Variants in GRIA4 observed in about 807,000 individuals in gnomAD.
The protein encoded by GRIA4 is glutamate receptor 4.
GRIA4 carries 34 observed loss-of-function variants against 104.0 expected under a neutral mutation model. The observed-to-expected ratio is 0.33, with a 90% CI of 0.25 to 0.44. The LOEUF is 0.44. Ranked by LOEUF, GRIA4 falls within the 20% of genes least tolerant of loss-of-function variation. The probability of loss-of-function intolerance (pLI) is 1.00; values close to 1 mark genes in which losing one functional copy is unlikely to be tolerated. For synonymous variants in GRIA4, 386 were observed against 381.9 expected (o/e 1.01, Z -0.13); for missense variants, 750 against 1,096.5 (o/e 0.68, Z 4.46).
At chr11:105,790,959 T>C (rs1942188554) in intron 4 of GRIA4, among the ~76,000 whole-genome samples, 1 of 152,212 alleles carries the variant, frequency 6.6e-6, no homozygotes, top group South Asian at 2.1e-4. Context: ...GACAGCATTC[T>C]ACTCTATTTA....
At chr11:105,932,868 C>A (rs553943578) in intron 13 of GRIA4, among the ~76,000 whole-genome samples, 1 of 152,166 alleles carries the variant, frequency 6.6e-6, no homozygotes, top group South Asian at 2.1e-4. Flanking sequence ...CAATTACTGA[C>A]TTGATATGGA....
In GRIA4 at chr11:105,909,609, C is replaced by T. The variant is rs183467550; in HGVS notation, c.1159-826C>T. On this transcript the variant is annotated intron_variant, in intron 9 of 16. Coordinates refer to ENST00000282499, the MANE Select transcript of GRIA4 (RefSeq NM_000829.4). ...CTGGGTATGTGTATTAACTTTAAGA[C>T]GTATACTTTTAAAAAGCATTGAGTA... is the stretch of plus-strand genomic sequence containing the variant. Among the ~76,000 whole-genome samples, 507 of 152,138 alleles carry T rather than the reference C, an allele frequency of 3.3e-3. 5 individuals carry two copies. Among genetic ancestry groups the T allele is most frequent in the African/African-American group, 0.012 (481 of 41,500 alleles).
At chr11:105,804,955 A>G (rs1272621812) in intron 4 of GRIA4, among the ~76,000 whole-genome samples, 1 of 151,950 alleles carries the variant, frequency 6.6e-6, no homozygotes, top group Non-Finnish European at 1.5e-5. Context: ...ACCTATGAAT[A>G]TATAATATAA....
At chr11:105,979,477 T>C in intron 16 of GRIA4, 98 bp from the exon 17 acceptor site, 1 of 1,055,272 alleles carries the variant, frequency 9.5e-7, no homozygotes, top group Non-Finnish European at 1.4e-6. Flanking sequence ...AGATGTCTAA[T>C]TATTTATATT....
chr11:105,660,879 A>G (rs1262580318), intron 3 of GRIA4, among the ~76,000 whole-genome samples: 1 of 151,696 alleles, frequency 6.6e-6, no homozygotes, highest in African/African-American at 2.4e-5. Context: ...TAATAACGTA[A>G]ACATGACTTA....
chr11:105,801,226 A>G (rs925505209), intron 4 of GRIA4, among the ~76,000 whole-genome samples: 2 of 151,742 alleles, frequency 1.3e-5, no homozygotes, highest in South Asian at 4.2e-4. Context: ...TGAAATATTT[A>G]AATATTTAAT....
At chr11:105,741,567 T>C (rs1363990583) in intron 3 of GRIA4, among the ~76,000 whole-genome samples, 1 of 152,098 alleles carries the variant, frequency 6.6e-6, no homozygotes, top group Non-Finnish European at 1.5e-5. Context: ...AGTATGCTTG[T>C]TGGGGAAGCC....
intron 3 of GRIA4, among the ~76,000 whole-genome samples, chr11:105,632,033 A>T (rs958727607): frequency 1.3e-5 from 2 of 152,166 alleles, no homozygotes; most frequent in Non-Finnish European, 2.9e-5. Flanking sequence ...GAGGGAAAAC[A>T]GGAGGGCAAA....
chr11:105,694,915 T>C (rs1292907054), intron 3 of GRIA4, among the ~76,000 whole-genome samples: 4 of 152,196 alleles, frequency 2.6e-5, no homozygotes, highest in Non-Finnish European at 5.9e-5. Flanking sequence ...TTAATAGCAA[T>C]AGTCATAACA....
intron 3 of GRIA4, among the ~76,000 whole-genome samples, chr11:105,733,986 C>T (rs1938767286): frequency 6.8e-6 from 1 of 147,404 alleles, no homozygotes; most frequent in Non-Finnish European, 1.5e-5. Context: ...TTGGTCACTA[C>T]ATGAATACAT....
chr11:105,615,325 A>T (rs998753435), intron 3 of GRIA4, among the ~76,000 whole-genome samples: 1 of 151,940 alleles, frequency 6.6e-6, no homozygotes, highest in Admixed American at 6.6e-5. Flanking sequence ...TTACATGCTC[A>T]TAAGTCTAAA....
chr11:105,765,045 C>T (rs1940867185), intron 4 of GRIA4, among the ~76,000 whole-genome samples: 1 of 151,796 alleles, frequency 6.6e-6, no homozygotes, highest in Non-Finnish European at 1.5e-5. Context: ...TTGTACTTGA[C>T]CAAAGTACAT....
At chr11:105,658,973 A>G (rs1951926026) in intron 3 of GRIA4, among the ~76,000 whole-genome samples, 1 of 152,022 alleles carries the variant, frequency 6.6e-6, no homozygotes, top group African/African-American at 2.4e-5. Context: ...ATATTCAACT[A>G]GTAAACAGAC....
intron 4 of GRIA4, among the ~76,000 whole-genome samples, chr11:105,769,528 A>G (rs1283074305): frequency 6.6e-6 from 1 of 152,050 alleles, no homozygotes; most frequent in African/African-American, 2.4e-5. Flanking sequence ...TGGGGCTGAC[A>G]AGTTTGTTTG....
At chr11:105,926,112 A>AAAC (rs1257595724) in intron 12 of GRIA4, among the ~76,000 whole-genome samples, 1 of 151,954 alleles carries the variant, frequency 6.6e-6, no homozygotes, top group Non-Finnish European at 1.5e-5. Context: ...GCAAACAAAC[A>AAAC]AAAAAAGCCT....
chr11:105,859,940 T>C (rs1945158403), intron 4 of GRIA4, among the ~76,000 whole-genome samples: 1 of 152,034 alleles, frequency 6.6e-6, no homozygotes, highest in Admixed American at 6.6e-5. Flanking sequence ...AACATATATA[T>C]TAAGGAAGGT....
intron 4 of GRIA4, among the ~76,000 whole-genome samples, chr11:105,796,759 A>C (rs554534978): frequency 6.6e-6 from 1 of 152,326 alleles, no homozygotes; most frequent in East Asian, 1.9e-4. Context: ...AACATTTAAA[A>C]GATTAATACT....
chr11:105,654,465 T>A (rs1009816420), intron 3 of GRIA4, among the ~76,000 whole-genome samples: 1 of 152,104 alleles, frequency 6.6e-6, no homozygotes, highest in Non-Finnish European at 1.5e-5. Context: ...AGAACAATAC[T>A]TTTTTATCTA....
Position 105,684,508 on chromosome 11 carries a change from T to A in GRIA4, c.248-68473T>A, listed in dbSNP as rs536810906. On this transcript the variant is annotated intron_variant, in intron 3 of 16. Transcript: ENST00000282499. ...CAAACCAACACACCTTGGGTGGTTT[T>A]CTTTTCTGAGTAAAAATAAGGCAAA... 5.8e-4 allele frequency among the ~76,000 whole-genome samples: 86 copies of A among 147,500 alleles called. 1 individual carries two copies. The highest frequency in any genetic ancestry group is 7.1e-3 in the Middle Eastern group (2 of 280).
Sources: allele counts gnomAD v4.1 joint callset (sites outside exome capture counted in the v4.1 genomes callset), GRCh38; gene constraint gnomAD v4.1.1; transcripts MANE v1.5; gene names NCBI Gene and HGNC (gene_info 2026-07-23, HGNC 2026-07-21).